Variants in SAMMSON observed in about 807,000 individuals in gnomAD.
The protein encoded by SAMMSON is survival associated mitochondrial melanoma specific oncogenic non-coding RNA, also known as long intergenic non-protein coding RNA 1212.
At chr3:70,187,993 G>T (rs1226486831) in intron 4 of SAMMSON, among the ~76,000 whole-genome samples, 1 of 152,140 alleles carries the variant, frequency 6.6e-6, no homozygotes. Flanking sequence ...ACATTAAGGA[G>T]AAGGGCAGCC....
intron 3 of SAMMSON, among the ~76,000 whole-genome samples, chr3:70,058,636 T>C (rs2067176480): frequency 1.3e-5 from 2 of 152,078 alleles, no homozygotes; most frequent in South Asian, 4.1e-4. Flanking sequence ...TTTAACTTGC[T>C]GATAATTGCA....
chr3:70,429,241 G>A (rs987288586), intron 2 of SAMMSON, among the ~76,000 whole-genome samples: 1 of 152,118 alleles, frequency 6.6e-6, no homozygotes, highest in African/African-American at 2.4e-5. Flanking sequence ...TCCATTGCTT[G>A]TTTGTATCAG....
At chr3:70,196,294 G>A (rs1332715858) in intron 4 of SAMMSON, among the ~76,000 whole-genome samples, 2 of 152,126 alleles carry the variant, frequency 1.3e-5, no homozygotes, top group Non-Finnish European at 2.9e-5. Context: ...CTCTCTTGAA[G>A]TACACCATAT....
chr3:70,221,812 A>G, intron 4 of SAMMSON, among the ~76,000 whole-genome samples: 1 of 152,062 alleles, frequency 6.6e-6, no homozygotes, highest in Non-Finnish European at 1.5e-5. Context: ...TGCCATTTAC[A>G]GGACATTGCT....
chr3:70,207,548 A>G (rs1701304418), intron 4 of SAMMSON, among the ~76,000 whole-genome samples: 1 of 152,038 alleles, frequency 6.6e-6, no homozygotes, highest in South Asian at 2.1e-4. Context: ...TACATCTCCT[A>G]TACAGTTGGC....
At chr3:70,365,312 T>TAC (rs1014588356) in intron 9 of SAMMSON, among the ~76,000 whole-genome samples, 6 of 151,496 alleles carry the variant, frequency 4.0e-5, no homozygotes, top group Non-Finnish European at 5.9e-5. Context: ...AGTGTGTATA[T>TAC]ACACACACAT....
chr3:70,113,111 C>CAT (rs147893161), intron 4 of SAMMSON, among the ~76,000 whole-genome samples: 12 of 152,090 alleles, frequency 7.9e-5, no homozygotes, highest in African/African-American at 2.9e-4. Flanking sequence ...TATGAAAGGA[C>CAT]ATATATATAT....
At chr3:70,281,274 G>GTGTCAAT (rs1418673081) in intron 6 of SAMMSON, among the ~76,000 whole-genome samples, 1 of 152,078 alleles carries the variant, frequency 6.6e-6, no homozygotes, top group Admixed American at 6.6e-5. Context: ...CCCCAGATTC[G>GTGTCAAT]TGTCAATGCC....
At chr3:70,206,787 G>T (rs1049426213) in intron 4 of SAMMSON, 1 of 397,432 alleles carries the variant, frequency 2.5e-6, no homozygotes, top group Middle Eastern at 6.3e-4. Flanking sequence ...CGTGAGTTGC[G>T]TATCTAGAGG....
chr3:70,388,695 C>G (rs550907161), intron 9 of SAMMSON, among the ~76,000 whole-genome samples: 12 of 152,250 alleles, frequency 7.9e-5, no homozygotes, highest in Admixed American at 6.5e-4. Context: ...ATTTTCTTGC[C>G]TTGAATGTGA....
chr3:70,205,303 T>C (rs1461511462), intron 4 of SAMMSON: 1 of 152,066 alleles, frequency 6.6e-6, no homozygotes, highest in East Asian at 1.9e-4. Flanking sequence ...GCTCTCCAGC[T>C]TGCCATAGTC....
intron 7 of SAMMSON, among the ~76,000 whole-genome samples, chr3:70,317,072 C>G (rs1702500323): frequency 6.6e-6 from 1 of 151,902 alleles, no homozygotes; most frequent in Non-Finnish European, 1.5e-5. Context: ...AAATGTTGCT[C>G]CACTTCATGT....
intron 4 of SAMMSON, among the ~76,000 whole-genome samples, chr3:70,232,715 T>A (rs1456645007): frequency 6.6e-6 from 1 of 152,056 alleles, no homozygotes; most frequent in Non-Finnish European, 1.5e-5. Context: ...AGGTAATTAG[T>A]CACAATAATA....
chr3:70,404,305 G>A (rs934807319), intron 2 of SAMMSON, among the ~76,000 whole-genome samples: 1 of 152,032 alleles, frequency 6.6e-6, no homozygotes, highest in Non-Finnish European at 1.5e-5. Context: ...CATTATCCAC[G>A]ATTTGGAGAC....
intron 7 of SAMMSON, among the ~76,000 whole-genome samples, chr3:70,296,088 C>T (rs903860030): frequency 1.3e-5 from 2 of 152,170 alleles, no homozygotes; most frequent in South Asian, 4.1e-4. Context: ...TCATTCAATG[C>T]AGCAGCAGTT....
At chr3:70,011,473 T>G (rs557284241) in intron 1 of SAMMSON, among the ~76,000 whole-genome samples, 121 of 152,144 alleles carry the variant, frequency 8.0e-4, no homozygotes, top group Non-Finnish European at 1.4e-3. Context: ...CTATTAGTCA[T>G]TCAGAATGTG....
chr3:70,262,681 G>A (rs1357158884), intron 6 of SAMMSON, among the ~76,000 whole-genome samples: 8 of 152,142 alleles, frequency 5.3e-5, no homozygotes, highest in Admixed American at 2.0e-4. Context: ...AACAGGGTTG[G>A]CGCATGCACC....
chr3:70,157,898 T>C (rs1217971359), intron 4 of SAMMSON, among the ~76,000 whole-genome samples: 1 of 152,090 alleles, frequency 6.6e-6, no homozygotes, highest in Non-Finnish European at 1.5e-5. Flanking sequence ...GAGTCAGATT[T>C]GAAGTCAGAT....
chr3:70,298,533 A>G (rs1457218401), intron 7 of SAMMSON, among the ~76,000 whole-genome samples: 1 of 152,160 alleles, frequency 6.6e-6, no homozygotes, highest in Non-Finnish European at 1.5e-5. Context: ...GAACTATTTA[A>G]TCACTGTGAT....
Sources: allele counts gnomAD v4.1 joint callset (sites outside exome capture counted in the v4.1 genomes callset), GRCh38; gene constraint gnomAD v4.1.1; transcripts MANE v1.5; gene names NCBI Gene and HGNC (gene_info 2026-07-23, HGNC 2026-07-21).